Variants in LARS2 observed in about 807,000 individuals in gnomAD.
LARS2 encodes the protein leucine--tRNA ligase, mitochondrial.
Under a neutral mutation model 116.6 loss-of-function variants are expected in LARS2, and 81 were observed. The observed-to-expected ratio is 0.69, with a 90% CI of 0.58 to 0.84. The LOEUF is 0.84. Ranked by LOEUF, LARS2 falls within the 40% of genes least tolerant of loss-of-function variation. LARS2 has a pLI of 0.00. For missense variants in LARS2, 968 were observed against 1,114.5 expected (o/e 0.87, Z 1.87); for synonymous variants, 396 against 407.2 (o/e 0.97, Z 0.33).
intron 8 of LARS2, among the ~76,000 whole-genome samples, chr3:45,469,535 G>A (rs1345590387): frequency 6.6e-6 from 1 of 151,986 alleles, no homozygotes. Context: ...TGTTAGAGAC[G>A]GGGTTTCACC....
At chr3:45,395,580 A>T (rs1698030181) in intron 3 of LARS2, among the ~76,000 whole-genome samples, 1 of 152,250 alleles carries the variant, frequency 6.6e-6, no homozygotes, top group South Asian at 2.1e-4. Flanking sequence ...TAGTAGTTAT[A>T]GTCAAATAAT....
chr3:45,438,605 G>C (rs539071930), intron 6 of LARS2, among the ~76,000 whole-genome samples: 2 of 151,308 alleles, frequency 1.3e-5, no homozygotes, highest in Non-Finnish European at 2.9e-5. Flanking sequence ...ATCACCTGAG[G>C]TCAGGAGTTT....
chr3:45,504,161 T>A (rs1477876153), intron 15 of LARS2, among the ~76,000 whole-genome samples: 1 of 151,030 alleles, frequency 6.6e-6, no homozygotes, highest in Non-Finnish European at 1.5e-5. Flanking sequence ...CCAATTACTA[T>A]TTTTTTTTAA....
chr3:45,540,056 G>A (rs7645791), intron 20 of LARS2, among the ~76,000 whole-genome samples: 5,147 of 152,160 alleles, frequency 0.034, 256 homozygotes, highest in African/African-American at 0.11. Context: ...TCAGGAGTTC[G>A]AGACCAACCT....
intron 19 of LARS2, 52 bp downstream of exon 19, chr3:45,520,348 G>A (rs781772064): frequency 1.4e-6 from 2 of 1,458,144 alleles, no homozygotes; most frequent in South Asian, 1.1e-5. Flanking sequence ...GGAGAGGTGT[G>A]GCAAGGGGCC....
At chr3:45,475,302 C>A (rs573668131) in intron 9 of LARS2, among the ~76,000 whole-genome samples, 5 of 152,334 alleles carry the variant, frequency 3.3e-5, no homozygotes, top group Non-Finnish European at 5.9e-5. Context: ...AGCCTCCTCA[C>A]AAAAGTGATC....
chr3:45,541,797 T>C, intron 20 of LARS2, 32 bp from the exon 21 acceptor site: 2 of 1,612,288 alleles, frequency 1.2e-6, no homozygotes, highest in Non-Finnish European at 1.7e-6. Context: ...GTTCTTAGAG[T>C]GACCCCACGC....
intron 4 of LARS2, among the ~76,000 whole-genome samples, chr3:45,416,937 G>A (rs865547): frequency 0.025 from 3,726 of 152,080 alleles, 181 homozygotes; most frequent in African/African-American, 0.084. Flanking sequence ...AGCTGGGTGT[G>A]GTGGCGTGTG....
At chr3:45,399,860 T>C (rs965099192) in intron 3 of LARS2, among the ~76,000 whole-genome samples, 18 of 152,046 alleles carry the variant, frequency 1.2e-4, no homozygotes, top group Non-Finnish European at 2.5e-4. Flanking sequence ...AGCTCCCACA[T>C]ATCAGTGAGA....
intron 11 of LARS2, among the ~76,000 whole-genome samples, chr3:45,487,641 C>T (rs1293187580): frequency 6.6e-6 from 1 of 152,000 alleles, no homozygotes; most frequent in Non-Finnish European, 1.5e-5. Context: ...TTTTGTTTGT[C>T]ACAACTCAGG....
At chr3:45,464,903 C>A (rs1319830453) in intron 8 of LARS2, among the ~76,000 whole-genome samples, 1 of 152,156 alleles carries the variant, frequency 6.6e-6, no homozygotes, top group African/African-American at 2.4e-5. Flanking sequence ...TTCTTAAAAG[C>A]TCTGTGGCTT....
chr3:45,487,770 G>A (rs1000859781), intron 11 of LARS2, among the ~76,000 whole-genome samples: 3 of 54,822 alleles, frequency 5.5e-5, no homozygotes, highest in African/African-American at 8.8e-5. Flanking sequence ...AAAGAGCTGG[G>A]GGGAAAAGAA....
intron 14 of LARS2, among the ~76,000 whole-genome samples, chr3:45,496,652 A>G (rs769853920): frequency 1.3e-5 from 2 of 152,258 alleles, no homozygotes; most frequent in Admixed American, 6.5e-5. Context: ...GGAAGGCCCA[A>G]GCAAAGCTTG....
chr3:45,549,011 T>C lies in LARS2; in HGVS notation c.*1481T>C, dbSNP rs1407331227. ...TTCTTGTTCCAGAACTTACAGTCCA[T>C]GGTAGACAACACTGATACAGGCAAA... On this transcript the variant is annotated 3_prime_UTR_variant, in exon 22 of 22. Coordinates refer to ENST00000645846, the MANE Select transcript of LARS2 (RefSeq NM_015340.4). The C allele has an allele frequency of 2.6e-5, 4 of 152,218 alleles. No homozygotes were observed. Among genetic ancestry groups the C allele is most frequent in the African/African-American group, 9.6e-5 (4 of 41,456 alleles). The allele number at this position is 152,218 out of a possible 1,614,324, so 9.4% of individuals were successfully genotyped here.
At chr3:45,433,582 T>A (rs1182563510) in intron 6 of LARS2, among the ~76,000 whole-genome samples, 1 of 152,140 alleles carries the variant, frequency 6.6e-6, no homozygotes, top group East Asian at 1.9e-4. Flanking sequence ...CTATATACAT[T>A]GAAATCCACA....
At chr3:45,491,967 T>A (rs994461401) in intron 13 of LARS2, among the ~76,000 whole-genome samples, 167 bp downstream of exon 13, 1 of 152,222 alleles carries the variant, frequency 6.6e-6, no homozygotes, top group Admixed American at 6.5e-5. Context: ...GAGAAGGGTC[T>A]GGAATCTGTG....
chr3:45,467,695 A>T (rs1452342823), intron 8 of LARS2, among the ~76,000 whole-genome samples: 2 of 152,240 alleles, frequency 1.3e-5, no homozygotes, highest in African/African-American at 4.8e-5. Flanking sequence ...ATGCAATATA[A>T]GTAGGATGGA....
At chr3:45,469,391 G>A (rs1559479167) in intron 8 of LARS2, among the ~76,000 whole-genome samples, 1 of 152,114 alleles carries the variant, frequency 6.6e-6, no homozygotes, top group Non-Finnish European at 1.5e-5. Context: ...TGTCACCCAG[G>A]CTGGAGTACA....
intron 15 of LARS2, among the ~76,000 whole-genome samples, chr3:45,505,735 C>G (rs1012304810): frequency 4.6e-5 from 7 of 151,982 alleles, no homozygotes; most frequent in Admixed American, 1.3e-4. Flanking sequence ...GGTCTGGAAA[C>G]AAAGACCATA....
Sources: allele counts gnomAD v4.1 joint callset (sites outside exome capture counted in the v4.1 genomes callset), GRCh38; gene constraint gnomAD v4.1.1; transcripts MANE v1.5; gene names NCBI Gene and HGNC (gene_info 2026-07-23, HGNC 2026-07-21).